Variants in MGLL observed in about 807,000 individuals in gnomAD.
MGLL encodes monoglyceride lipase, also known as lysophospholipase homolog.
Under a neutral mutation model 29.1 loss-of-function variants are expected in MGLL, and 7 were observed. The ratio of observed to expected loss-of-function variants is 0.24; its 90% confidence interval spans 0.14 to 0.45. MGLL has a LOEUF of 0.45. Ranked by LOEUF, MGLL falls within the 20% of genes least tolerant of loss-of-function variation. The pLI, the probability that MGLL is intolerant of heterozygous loss-of-function variation, is 0.99. For missense variants in MGLL, 356 were observed against 413.6 expected (o/e 0.86, Z 1.21); for synonymous variants, 148 against 168.3 (o/e 0.88, Z 0.93).
rs34220827 is a variant in MGLL, at chr3:127,699,351, ATT to A, written c.601-4163_601-4162del. 4.5e-3 allele frequency among the ~76,000 whole-genome samples: 688 copies of A among 151,324 alleles called. 4 individuals are homozygous for A. Among genetic ancestry groups the A allele is most frequent in the African/African-American group, 0.014 (579 of 41,386 alleles). Reference sequence around the variant, plus strand: ...CCCCTGCAGTCAAATCTCTTGACCCATTTTTTTTTTAAATTGTTCCATGATGA... The same window carrying A: ...CCCCTGCAGTCAAATCTCTTGACCCATTTTTTTTAAATTGTTCCATGATGA... On this transcript the variant is annotated intron_variant, in intron 6 of 7. Transcript: ENST00000265052.
intron 3 of MGLL, among the ~76,000 whole-genome samples, chr3:127,770,465 A>C (rs746481767): frequency 1.3e-5 from 2 of 152,170 alleles, no homozygotes; most frequent in African/African-American, 2.4e-5. Flanking sequence ...CCCTCCCCAC[A>C]GCCCCTTGGA....
At chr3:127,758,082 G>A (rs528839939) in intron 3 of MGLL, among the ~76,000 whole-genome samples, 1 of 152,014 alleles carries the variant, frequency 6.6e-6, no homozygotes, top group Non-Finnish European at 1.5e-5. Flanking sequence ...CCTGTCTCCC[G>A]ACTGTTCATG....
intron 2 of MGLL, among the ~76,000 whole-genome samples, chr3:127,819,152 G>A (rs922712765): frequency 5.9e-5 from 9 of 152,268 alleles, no homozygotes; most frequent in Admixed American, 2.6e-4. Context: ...TGCATAAAGC[G>A]GGTTAAGCCA....
At chr3:127,728,035 T>C (rs1478990494) in intron 3 of MGLL, among the ~76,000 whole-genome samples, 1 of 152,246 alleles carries the variant, frequency 6.6e-6, no homozygotes, top group African/African-American at 2.4e-5. Flanking sequence ...ATGTTACTAA[T>C]TTGATAATTA....
chr3:127,758,219 G>A (rs539234917), intron 3 of MGLL, among the ~76,000 whole-genome samples: 1 of 152,272 alleles, frequency 6.6e-6, no homozygotes, highest in Non-Finnish European at 1.5e-5. Flanking sequence ...GGAGCCAGCA[G>A]CTTGAGCATG....
At chr3:127,776,968 C>T (rs1576275083) in intron 3 of MGLL, among the ~76,000 whole-genome samples, 1 of 152,076 alleles carries the variant, frequency 6.6e-6, no homozygotes, top group Non-Finnish European at 1.5e-5. Flanking sequence ...GCAGTGGCTG[C>T]CTTGGCCTAA....
intron 6 of MGLL, among the ~76,000 whole-genome samples, chr3:127,710,330 T>C (rs1194184995): frequency 1.3e-5 from 2 of 152,366 alleles, no homozygotes; most frequent in South Asian, 2.1e-4. Flanking sequence ...GAGACTTGAC[T>C]GGCACACACT....
rs138783868 is a variant in MGLL at position 127,822,194 on chromosome 3, A to G, written c.10+115T>C. 2.5e-5 allele frequency: 30 copies of G among 1,207,760 alleles called. No individual in the cohort carries two copies. In the Middle Eastern group the frequency reaches 1.5e-3, roughly 60 times the overall value. 74.8% of individuals were successfully genotyped at this position (1,207,760 alleles called of 1,614,324 possible). A position where few individuals can be genotyped will look rare whatever the true frequency, so the allele number is the denominator to read the frequency against. ...CTATGGGTACAAAGACCCAGCTGCAAGAAGACCCATCTATCTTAAAATCTC... is the reference window on the plus strand; with the variant it reads ...CTATGGGTACAAAGACCCAGCTGCAGGAAGACCCATCTATCTTAAAATCTC... On this transcript the variant is annotated intron_variant, in intron 1 of 7. Coordinates refer to ENST00000265052, the MANE Select transcript of MGLL (RefSeq NM_007283.7).
chr3:127,719,783 C>G (rs1050989615), intron 5 of MGLL, among the ~76,000 whole-genome samples: 3 of 152,218 alleles, frequency 2.0e-5, no homozygotes, highest in Non-Finnish European at 2.9e-5. Flanking sequence ...CTGTCCCACA[C>G]AGCACTGAAC....
chr3:127,714,845 A>G (rs558160765), intron 5 of MGLL, among the ~76,000 whole-genome samples: 16 of 152,202 alleles, frequency 1.1e-4, no homozygotes, highest in African/African-American at 3.9e-4. Flanking sequence ...CCTTAAAACG[A>G]TCTGTAACTC....
At chr3:127,694,329 G>A (rs75492090) in intron 7 of MGLL, among the ~76,000 whole-genome samples, 19,073 of 94,382 alleles carry the variant, frequency 0.2, 1,951 homozygotes, top group East Asian at 0.27. Flanking sequence ...ATATATATAT[G>A]TGTATATATA....
chr3:127,802,963 C>A (rs1204595767), intron 2 of MGLL, among the ~76,000 whole-genome samples: 1 of 151,730 alleles, frequency 6.6e-6, no homozygotes, highest in Non-Finnish European at 1.5e-5. Flanking sequence ...GTCTTTCAAG[C>A]CTGAGTCTCT....
chr3:127,702,757 C>T (rs747776010), intron 6 of MGLL, among the ~76,000 whole-genome samples: 3 of 152,144 alleles, frequency 2.0e-5, no homozygotes, highest in South Asian at 2.1e-4. Flanking sequence ...TGCAGTGGTG[C>T]GATCTTGGCT....
At chr3:127,784,762 C>T (rs1201532443) in intron 2 of MGLL, among the ~76,000 whole-genome samples, 2 of 152,136 alleles carry the variant, frequency 1.3e-5, no homozygotes, top group African/African-American at 4.8e-5. Context: ...CCTGCCTGGA[C>T]CCCGATTCAG....
intron 3 of MGLL, among the ~76,000 whole-genome samples, chr3:127,763,755 G>T (rs1173284355): frequency 1.3e-5 from 2 of 152,024 alleles, no homozygotes; most frequent in Non-Finnish European, 2.9e-5. Context: ...TCTTCCTACT[G>T]CCCTCCCGTC....
In MGLL at chr3:127,722,451, G is replaced by C. The variant is rs533312642; in HGVS notation, c.378C>G (p.Val126=). Residue 126 remains valine (V), a synonymous_variant, in exon 4 of 8, where the codon GTC becomes GTG. Transcript: ENST00000265052. The part of the protein sequence containing the change: ...SMQKDYPGLP[V]FLLGHSMGGA... ...TTACCATGGAGTGGCCCAGAAGGAA[G>C]ACAGGAAGCCCAGGGTAGTCTTTCT... 2 of 1,614,250 alleles carry C rather than the reference G, an allele frequency of 1.2e-6. No homozygotes were observed. The highest frequency in any genetic ancestry group is 2.7e-5 in the African/African-American group (2 of 75,062).
chr3:127,728,162 T>C (rs1576513381), intron 3 of MGLL, among the ~76,000 whole-genome samples: 1 of 152,234 alleles, frequency 6.6e-6, no homozygotes, highest in Admixed American at 6.5e-5. Context: ...GTCAGAAATA[T>C]ATTAAAAAAT....
rs774965066 is a variant in MGLL, at chr3:127,737,630, CTTTTTTTTTTT to C, written c.263-15075_263-15065del. Among the ~76,000 whole-genome samples the C allele has an allele frequency of 5.8e-3, 397 of 68,616 alleles. 4 individuals are homozygous for C. The highest frequency in any genetic ancestry group is 0.028 in the African/African-American group (377 of 13,584). 45.0% of individuals were successfully genotyped at this position (68,616 alleles called of 152,430 possible). On this transcript the variant is annotated intron_variant, in intron 3 of 7. Transcript: ENST00000265052. ...GACACAGTGAAATCATCAACTGCTT[CTTTTTTTTTTT>C]TTTTTTTTTTTTTTTTTTGTGAGAC...
At chr3:127,817,457 G>A (rs900384947) in intron 2 of MGLL, among the ~76,000 whole-genome samples, 18 of 152,366 alleles carry the variant, frequency 1.2e-4, no homozygotes, top group Middle Eastern at 3.4e-3. Flanking sequence ...GCATGAGCCG[G>A]TGGATGGACT....
Sources: allele counts gnomAD v4.1 joint callset (sites outside exome capture counted in the v4.1 genomes callset), GRCh38; gene constraint gnomAD v4.1.1; transcripts MANE v1.5; gene names NCBI Gene and HGNC (gene_info 2026-07-23, HGNC 2026-07-21).